Variants in NCALD observed in about 807,000 individuals in gnomAD.
NCALD encodes neurocalcin delta.
NCALD carries 10 observed loss-of-function variants against 18.6 expected under a neutral mutation model. The observed-to-expected ratio is 0.54, with a 90% CI of 0.33 to 0.91. The LOEUF is 0.91. Among genes scored for constraint, NCALD ranks in the 40% least tolerant of loss-of-function variants. NCALD has a pLI of 0.03. For missense variants in NCALD, 184 were observed against 247.6 expected (o/e 0.74, Z 1.72); for synonymous variants, 88 against 87.4 (o/e 1.01, Z -0.04).
At chr8:102,116,488 G>T (rs6989999) in intron 1 of NCALD, among the ~76,000 whole-genome samples, 51,613 of 151,378 alleles carry the variant, frequency 0.34, 9,649 homozygotes, top group African/African-American at 0.48. Flanking sequence ...TAGGGTGGTG[G>T]TGTTGTTGTT....
chr8:101,898,718 C>T (rs993559859), intron 3 of NCALD, among the ~76,000 whole-genome samples: 4 of 151,998 alleles, frequency 2.6e-5, no homozygotes, highest in African/African-American at 9.7e-5. Context: ...TGACTGTTTT[C>T]AAGTTCTCTG....
intron 2 of NCALD, among the ~76,000 whole-genome samples, chr8:101,983,293 T>C (rs1820690699): frequency 1.3e-5 from 2 of 152,232 alleles, no homozygotes; most frequent in South Asian, 4.1e-4. Context: ...GCTTATTTTC[T>C]GTTACAGAAC....
chr8:102,064,517 C>T (rs1384475679), intron 1 of NCALD, among the ~76,000 whole-genome samples: 1 of 152,236 alleles, frequency 6.6e-6, no homozygotes, highest in Non-Finnish European at 1.5e-5. Context: ...ACTTTCAGTT[C>T]TTTCGTTCTT....
intron 1 of NCALD, among the ~76,000 whole-genome samples, chr8:102,055,017 A>T (rs547755517): frequency 6.6e-6 from 1 of 152,036 alleles, no homozygotes; most frequent in Non-Finnish European, 1.5e-5. Context: ...TGGTGTGAGT[A>T]GAGATGGTGC....
chr8:101,849,030 A>G (rs1316809373), intron 4 of NCALD, among the ~76,000 whole-genome samples: 4 of 152,252 alleles, frequency 2.6e-5, no homozygotes, highest in Admixed American at 1.3e-4. Flanking sequence ...GCAGCCATAA[A>G]AAGGAATGAG....
Position 101,851,378 on chromosome 8 carries a change from TA to T in NCALD, c.-20+35762del, listed in dbSNP as rs563978195. On this transcript the variant is annotated intron_variant, in intron 4 of 6. Coordinates refer to the NCALD transcript ENST00000311028. ...GAAGTGTATGGCATTCTCATTAAAC[TA>T]AAAAAAAAAATACAAATAGTAAGTG... Among the ~76,000 whole-genome samples, 1,297 of 146,218 alleles carry T rather than the reference TA, an allele frequency of 8.9e-3. 20 individuals are homozygous for T. The highest frequency in any genetic ancestry group is 0.029 in the African/African-American group (1,174 of 40,228).
At chr8:101,995,186 G>C (rs1381416827) in intron 2 of NCALD, among the ~76,000 whole-genome samples, 1 of 152,200 alleles carries the variant, frequency 6.6e-6, no homozygotes, top group African/African-American at 2.4e-5. Flanking sequence ...TGAAGGGAAA[G>C]CCAATTCAGC....
intron 1 of NCALD, chr8:101,745,723 G>A (rs1266279754): frequency 6.6e-6 from 1 of 152,102 alleles, no homozygotes; most frequent in African/African-American, 2.4e-5. Flanking sequence ...CAGTCCTAAT[G>A]TTCACCCTCA....
chr8:102,085,091 T>C (rs1019573783), intron 1 of NCALD, among the ~76,000 whole-genome samples: 2 of 152,142 alleles, frequency 1.3e-5, no homozygotes, highest in Non-Finnish European at 2.9e-5. Context: ...CACGCCTGGT[T>C]GGATGGAAGG....
At chr8:101,883,236 T>C (rs954683898) in intron 4 of NCALD, among the ~76,000 whole-genome samples, 3 of 152,110 alleles carry the variant, frequency 2.0e-5, no homozygotes, top group Admixed American at 1.3e-4. Context: ...TAGCTGGGCA[T>C]GGTGGTGCGC....
chr8:101,759,111 C>G (rs1014025041), intron 1 of NCALD, among the ~76,000 whole-genome samples: 5 of 152,274 alleles, frequency 3.3e-5, no homozygotes, highest in Non-Finnish European at 4.4e-5. Flanking sequence ...CAGCAGAAAC[C>G]GCCCACATTT....
chr8:102,002,469 G>A (rs897042466), intron 2 of NCALD, among the ~76,000 whole-genome samples: 2 of 152,278 alleles, frequency 1.3e-5, no homozygotes, highest in African/African-American at 4.8e-5. Context: ...ACAGATCAAT[G>A]AGACAGAAAG....
intron 1 of NCALD, among the ~76,000 whole-genome samples, chr8:101,766,842 G>A (rs1254168073): frequency 3.3e-5 from 5 of 152,188 alleles, no homozygotes; most frequent in African/African-American, 1.2e-4. Context: ...GCCTCCCAAA[G>A]TGCTGGGATT....
At chr8:102,030,099 G>A (rs1049103919) in intron 1 of NCALD, among the ~76,000 whole-genome samples, 20 of 152,226 alleles carry the variant, frequency 1.3e-4, no homozygotes, top group Admixed American at 2.6e-4. Context: ...CTCATTTCCA[G>A]AGGAGAATGG....
At chr8:101,966,281 A>G (rs1820026850) in intron 2 of NCALD, among the ~76,000 whole-genome samples, 1 of 152,084 alleles carries the variant, frequency 6.6e-6, no homozygotes, top group African/African-American at 2.4e-5. Context: ...AGAATGTGCT[A>G]AATGGAATAC....
At chr8:101,930,254 A>G (rs1057064965) in intron 2 of NCALD, among the ~76,000 whole-genome samples, 1 of 152,082 alleles carries the variant, frequency 6.6e-6, no homozygotes, top group African/African-American at 2.4e-5. Flanking sequence ...TGTAAATTAC[A>G]TAAATATATC....
intron 2 of NCALD, among the ~76,000 whole-genome samples, chr8:101,917,637 G>T (rs574782543): frequency 6.6e-6 from 1 of 151,944 alleles, no homozygotes; most frequent in Non-Finnish European, 1.5e-5. Flanking sequence ...AATGACAAAG[G>T]TGATATTACA....
intron 1 of NCALD, among the ~76,000 whole-genome samples, chr8:102,060,158 T>C (rs1445975922): frequency 1.3e-5 from 2 of 152,116 alleles, no homozygotes; most frequent in African/African-American, 2.4e-5. Flanking sequence ...TTTTTTTGTA[T>C]TTTCGGTACA....
At chr8:102,017,501 G>A (rs1340414264) in intron 2 of NCALD, among the ~76,000 whole-genome samples, 3 of 152,160 alleles carry the variant, frequency 2.0e-5, no homozygotes, top group Admixed American at 6.5e-5. Flanking sequence ...ATCACCTGAG[G>A]TCAGGTGTTT....
Sources: allele counts gnomAD v4.1 joint callset (sites outside exome capture counted in the v4.1 genomes callset), GRCh38; gene constraint gnomAD v4.1.1; transcripts MANE v1.5; gene names NCBI Gene and HGNC (gene_info 2026-07-23, HGNC 2026-07-21).